PIK3C2G: variants seen among roughly 807,000 people sequenced by gnomAD.
PIK3C2G encodes phosphatidylinositol-4-phosphate 3-kinase catalytic subunit type 2 gamma.
In PIK3C2G, 168 loss-of-function variants were observed where a neutral mutation model predicts 181.1. That is an observed-to-expected ratio of 0.93 (90% confidence interval 0.82 to 1.05). PIK3C2G has a LOEUF of 1.05. Ranked by LOEUF, PIK3C2G falls within the 50% of genes least tolerant of loss-of-function variation. The pLI, the probability that PIK3C2G is intolerant of heterozygous loss-of-function variation, is 0.00. For synonymous variants in PIK3C2G, 573 were observed against 592.2 expected (o/e 0.97, Z 0.47); for missense variants, 1,869 against 1,732.8 (o/e 1.08, Z -1.40).
chr12:18,593,994 T>A (rs997126897), intron 29 of PIK3C2G, among the ~76,000 whole-genome samples: 1 of 151,936 alleles, frequency 6.6e-6, no homozygotes, highest in Admixed American at 6.6e-5. Flanking sequence ...AATTTTACTA[T>A]GTACAGAGAA....
intron 9 of PIK3C2G, 112 bp from the exon 10 acceptor site, chr12:18,343,215 G>T: frequency 3.2e-6 from 2 of 622,684 alleles, no homozygotes. Context: ...GAAATATTTT[G>T]TTGTTTTACC....
chr12:18,559,776 TTATATATATATATATATATATATA>T (rs369459549), intron 26 of PIK3C2G, among the ~76,000 whole-genome samples: 778 of 42,690 alleles, frequency 0.018, 21 homozygotes, highest in Admixed American at 0.021. Context: ...TTGTATGAAA[TTATATATATATATATATATATATA>T]TATATATATA....
chr12:18,339,448 A>G (rs1938908806), intron 9 of PIK3C2G, among the ~76,000 whole-genome samples: 1 of 152,094 alleles, frequency 6.6e-6, no homozygotes, highest in Non-Finnish European at 1.5e-5. Context: ...CAGAGAATTA[A>G]TAAGTGGCAA....
At chr12:18,320,461 A>G (rs978970213) in intron 6 of PIK3C2G, among the ~76,000 whole-genome samples, 1 of 152,226 alleles carries the variant, frequency 6.6e-6, no homozygotes, top group Non-Finnish European at 1.5e-5. Context: ...AATTGTCATT[A>G]ATTAGCATAA....
intron 31 of PIK3C2G, among the ~76,000 whole-genome samples, chr12:18,624,378 A>T (rs191746173): frequency 4.2e-4 from 64 of 151,886 alleles, no homozygotes; most frequent in Middle Eastern, 3.4e-3. Flanking sequence ...TCAGGGATAA[A>T]TCCCACTTGT....
At chr12:18,609,306 TCAAAA>T (rs1948215762) in intron 30 of PIK3C2G, among the ~76,000 whole-genome samples, 1 of 152,042 alleles carries the variant, frequency 6.6e-6, no homozygotes, top group Non-Finnish European at 1.5e-5. Context: ...ATGGTATCAA[TCAAAA>T]CAAAATATGA....
At chr12:18,375,730 A>T (rs1763270119) in intron 13 of PIK3C2G, among the ~76,000 whole-genome samples, 2 of 152,172 alleles carry the variant, frequency 1.3e-5, no homozygotes, top group Non-Finnish European at 2.9e-5. Context: ...CCATCACAGG[A>T]CCTGAGGCCT....
At chr12:18,298,600 A>G (rs969953608) in intron 5 of PIK3C2G, among the ~76,000 whole-genome samples, 3 of 151,644 alleles carry the variant, frequency 2.0e-5, no homozygotes, top group Non-Finnish European at 4.4e-5. Context: ...CTTTTGAGGT[A>G]TTAGCCATAA....
intron 30 of PIK3C2G, among the ~76,000 whole-genome samples, chr12:18,607,745 C>A (rs1457895946): frequency 1.3e-5 from 2 of 152,012 alleles, no homozygotes; most frequent in Non-Finnish European, 2.9e-5. Context: ...AAGAAACTAC[C>A]ATCAGAGTGA....
At chr12:18,671,425 G>C in the PIK3C2G span, among the ~76,000 whole-genome samples, 6 of 152,158 alleles carry the variant, frequency 3.9e-5, no homozygotes, top group African/African-American at 1.4e-4. Flanking sequence ...TGTAATAAGG[G>C]ACTGTGTGTG....
intron 1 of PIK3C2G, among the ~76,000 whole-genome samples, chr12:18,281,093 A>G (rs556287981): frequency 6.6e-6 from 1 of 151,930 alleles, no homozygotes; most frequent in Non-Finnish European, 1.5e-5. Flanking sequence ...AGACTTAAAA[A>G]ATATCCAAAT....
At chr12:18,717,407 A>G in the PIK3C2G span, among the ~76,000 whole-genome samples, 1 of 152,148 alleles carries the variant, frequency 6.6e-6, no homozygotes, top group Non-Finnish European at 1.5e-5. Context: ...TATGTTTGAT[A>G]TTATCTTGGA....
chr12:18,515,267 CT>C (rs1165489795), intron 24 of PIK3C2G, among the ~76,000 whole-genome samples: 2 of 151,972 alleles, frequency 1.3e-5, no homozygotes, highest in Non-Finnish European at 2.9e-5. Context: ...TGATTCTCCG[CT>C]TTTTTCTATT....
intron 26 of PIK3C2G, among the ~76,000 whole-genome samples, chr12:18,562,022 C>G (rs1007221216): frequency 3.0e-4 from 46 of 151,996 alleles, no homozygotes; most frequent in Non-Finnish European, 6.0e-4. Context: ...GGAATAGCTA[C>G]TAGGCTTCTT....
chr12:18,701,364 A>G, the PIK3C2G span: 1 of 1,459,166 alleles, frequency 6.9e-7, no homozygotes, highest in Non-Finnish European at 9.1e-7. Context: ...GATGTTTTCA[A>G]AGTAAATTGT....
At chr12:18,543,094 G>A (rs564032327) in intron 25 of PIK3C2G, among the ~76,000 whole-genome samples, 1 of 152,114 alleles carries the variant, frequency 6.6e-6, no homozygotes, top group South Asian at 2.1e-4. Flanking sequence ...TGACTGGTGT[G>A]AGATGGTATC....
chr12:18,679,901 A>C, the PIK3C2G span, among the ~76,000 whole-genome samples: 59,067 of 151,888 alleles, frequency 0.39, 14,253 homozygotes, highest in South Asian at 0.59. Flanking sequence ...AAGAAAATCT[A>C]TCTCTTCATC....
chr12:18,680,524 A>C, the PIK3C2G span, among the ~76,000 whole-genome samples: 1 of 152,160 alleles, frequency 6.6e-6, no homozygotes, highest in Non-Finnish European at 1.5e-5. Context: ...AGTCCAGATA[A>C]GTCTGGGTAG....
At chr12:18,546,797 C>T (rs1037350775) in intron 26 of PIK3C2G, among the ~76,000 whole-genome samples, 5 of 151,966 alleles carry the variant, frequency 3.3e-5, no homozygotes, top group African/African-American at 9.7e-5. Flanking sequence ...TCACTACTTT[C>T]CTATGTAAGA....
Sources: gnomAD v4.1 joint callset for allele counts (sites outside exome capture counted in the v4.1 genomes callset) on GRCh38, gnomAD v4.1.1 for gene constraint, MANE v1.5 for transcripts, NCBI Gene and HGNC (gene_info 2026-07-23, HGNC 2026-07-21) for gene names.